Variants in LRRC37A2 observed in about 807,000 individuals in gnomAD.
LRRC37A2 encodes the protein leucine-rich repeat-containing protein 37A2.
LRRC37A2 carries 9 observed loss-of-function variants against 68.8 expected under a neutral mutation model. The observed-to-expected ratio is 0.13, with a 90% confidence interval of 0.08 to 0.23. LRRC37A2 has a LOEUF of 0.23. LRRC37A2 is among the 10% of genes least tolerant of loss of function. LRRC37A2 has a pLI of 1.00. For synonymous variants in LRRC37A2, 63 were observed against 367.6 expected, an observed-to-expected ratio of 0.17 and a Z score of 9.48; for missense variants, 168 against 950.4, an observed-to-expected ratio of 0.18 and a Z score of 10.82.
chr17:47,009,707 C>T, the LRRC37A2 span, among the ~76,000 whole-genome samples: 1 of 152,350 alleles, frequency 6.6e-6, no homozygotes. Flanking sequence ...CCCCACGCCC[C>T]GGCAGGCCTC....
chr17:46,927,372 T>A, the LRRC37A2 span, among the ~76,000 whole-genome samples: 1 of 152,236 alleles, frequency 6.6e-6, no homozygotes, highest in East Asian at 1.9e-4. Context: ...TTTGTTTTCA[T>A]GTTGTCAGAT....
the LRRC37A2 span, among the ~76,000 whole-genome samples, chr17:46,767,977 CG>C: frequency 1.3e-5 from 2 of 152,184 alleles, no homozygotes; most frequent in Admixed American, 6.5e-5. Context: ...TTAGTAGAGA[CG>C]GGTTTCACCA....
the LRRC37A2 span, among the ~76,000 whole-genome samples, chr17:47,004,684 A>G: frequency 3.0e-3 from 461 of 152,252 alleles, 1 homozygote; most frequent in African/African-American, 0.01. Flanking sequence ...ACACACCACT[A>G]TGCCCCGCTA....
intron 6 of LRRC37A2, among the ~76,000 whole-genome samples, chr17:46,535,233 A>C (rs1297347660): frequency 1.3e-5 from 2 of 148,822 alleles, no homozygotes; most frequent in Admixed American, 1.3e-4. Context: ...TATTAATCTT[A>C]TTGAGGATCC....
At chr17:46,496,600 C>A in the LRRC37A2 span, among the ~76,000 whole-genome samples, 1 of 118,450 alleles carries the variant, frequency 8.4e-6, no homozygotes, top group East Asian at 2.5e-4. Flanking sequence ...AAGACTCCAT[C>A]TCAAAAGAAA....
the LRRC37A2 span, among the ~76,000 whole-genome samples, chr17:46,849,609 C>T: frequency 6.6e-6 from 1 of 152,302 alleles, no homozygotes. Flanking sequence ...GTCCAGCTGG[C>T]CTGCAGGGCT....
chr17:46,921,803 G>A, the LRRC37A2 span, among the ~76,000 whole-genome samples: 1 of 152,176 alleles, frequency 6.6e-6, no homozygotes, highest in Admixed American at 6.5e-5. Context: ...ACACCAGTTA[G>A]AATGGCGACC....
chr17:46,868,995 C>T, the LRRC37A2 span, among the ~76,000 whole-genome samples: 6 of 152,186 alleles, frequency 3.9e-5, no homozygotes, highest in East Asian at 3.9e-4. Flanking sequence ...AAAGGAAATA[C>T]GATCCCAAAC....
At chr17:46,864,138 C>G in the LRRC37A2 span, among the ~76,000 whole-genome samples, 2 of 152,186 alleles carry the variant, frequency 1.3e-5, no homozygotes, top group Non-Finnish European at 1.5e-5. Flanking sequence ...AGAGGGTGAT[C>G]GGAGCCCAGG....
At chr17:46,898,774 A>G in the LRRC37A2 span, among the ~76,000 whole-genome samples, 2 of 152,236 alleles carry the variant, frequency 1.3e-5, no homozygotes, top group Non-Finnish European at 2.9e-5. Context: ...AACAGCACCT[A>G]GCCTCCCTCA....
the LRRC37A2 span, among the ~76,000 whole-genome samples, chr17:46,797,035 G>C: frequency 1.3e-5 from 2 of 152,142 alleles, no homozygotes; most frequent in Non-Finnish European, 2.9e-5. Context: ...AGGGCTCCAA[G>C]GTTAAATATT....
chr17:46,392,417 CTCTCTTTCTT>C, the LRRC37A2 span, among the ~76,000 whole-genome samples: 362 of 58,350 alleles, frequency 6.2e-3, 22 homozygotes, highest in Middle Eastern at 0.019. Flanking sequence ...CTTTCTCTCT[CTCTCTTTCTT>C]TCTCTCTTTC....
At chr17:46,845,453 G>A in the LRRC37A2 span, among the ~76,000 whole-genome samples, 7 of 150,862 alleles carry the variant, frequency 4.6e-5, no homozygotes, top group South Asian at 1.5e-3. Flanking sequence ...TACATGAGTC[G>A]ACTTACAGGG....
chr17:46,788,928 G>A, the LRRC37A2 span, among the ~76,000 whole-genome samples: 1 of 152,338 alleles, frequency 6.6e-6, no homozygotes. Context: ...TCCACAGTTT[G>A]GGAGTCCTTT....
intron 6 of LRRC37A2, among the ~76,000 whole-genome samples, chr17:46,534,202 T>TGTTTTTG (rs1271337163): frequency 4.7e-5 from 7 of 149,282 alleles, no homozygotes; most frequent in South Asian, 2.1e-4. Flanking sequence ...TTTTTGTTTT[T>TGTTTTTG]TTTAATTTTT....
chr17:46,950,287 ACT>A, the LRRC37A2 span, among the ~76,000 whole-genome samples: 2 of 151,736 alleles, frequency 1.3e-5, no homozygotes, highest in South Asian at 2.1e-4. Flanking sequence ...GAGAGTGTGG[ACT>A]CTCTGCCTCT....
chr17:46,799,247 AG>A, the LRRC37A2 span, among the ~76,000 whole-genome samples: 1 of 152,010 alleles, frequency 6.6e-6, no homozygotes, highest in Non-Finnish European at 1.5e-5. Context: ...TTCTTCAGAT[AG>A]GCTTATTGGT....
chr17:47,025,420 A>G, the LRRC37A2 span, among the ~76,000 whole-genome samples: 1 of 152,318 alleles, frequency 6.6e-6, no homozygotes, highest in Non-Finnish European at 1.5e-5. Flanking sequence ...TATCAATAAT[A>G]TTATCGAGAA....
At chr17:46,743,052 C>T in the LRRC37A2 span, among the ~76,000 whole-genome samples, 1 of 152,172 alleles carries the variant, frequency 6.6e-6, no homozygotes, top group South Asian at 2.1e-4. Context: ...ATGAGTCCTT[C>T]TGACTCTCTG....
Sources: allele counts gnomAD v4.1 joint callset (sites outside exome capture counted in the v4.1 genomes callset), GRCh38; gene constraint gnomAD v4.1.1; transcripts MANE v1.5; gene names NCBI Gene and HGNC (gene_info 2026-07-23, HGNC 2026-07-21).